Variants in BCL2L13 observed in about 807,000 individuals in gnomAD.
The protein encoded by BCL2L13 is bcl-2-like protein 13.
BCL2L13 carries 13 observed loss-of-function variants against 25.8 expected under a neutral mutation model. The observed-to-expected ratio is 0.50, with a 90% CI of 0.33 to 0.80. The LOEUF is 0.80. BCL2L13 is among the 30% of genes least tolerant of loss of function. The pLI, the probability that BCL2L13 is intolerant of heterozygous loss-of-function variation, is 0.02. For missense variants in BCL2L13, 504 were observed against 574.9 expected (o/e 0.88, Z 1.26); for synonymous variants, 244 against 230.3 (o/e 1.06, Z -0.54).
intron 1 of BCL2L13, among the ~76,000 whole-genome samples, chr22:17,654,880 C>A (rs1429782529): frequency 6.6e-6 from 1 of 151,952 alleles, no homozygotes; most frequent in African/African-American, 2.4e-5. Flanking sequence ...CCCTACCACG[C>A]CCAGCTAATG....
intron 3 of BCL2L13, among the ~76,000 whole-genome samples, chr22:17,688,770 T>G (rs1349118552): frequency 6.7e-6 from 1 of 148,178 alleles, no homozygotes; most frequent in Non-Finnish European, 1.5e-5. Flanking sequence ...ATATTGTTGT[T>G]TTTTTTTTTT....
chr22:17,727,599 C>G lies in BCL2L13; in HGVS notation c.*65C>G. On this transcript the variant is annotated 3_prime_UTR_variant, in exon 7 of 7. Transcript: ENST00000317582. ...GGAGTTGTATTGGCTGGAATTTGAA[C>G]CTCCAGCAGCTGTCTGGACATTTGT... 1 of 1,577,328 alleles carries G rather than the reference C, an allele frequency of 6.3e-7. No individual in the cohort carries two copies. The highest frequency in any genetic ancestry group is 1.7e-5 in the Admixed American group (1 of 57,922).
chr22:17,724,392 C>T (rs2061238367), intron 6 of BCL2L13, among the ~76,000 whole-genome samples: 1 of 152,204 alleles, frequency 6.6e-6, no homozygotes. Flanking sequence ...ACAGTTGGAG[C>T]TGGGATACAA....
intron 3 of BCL2L13, among the ~76,000 whole-genome samples, chr22:17,687,655 T>TA (rs1190511788): frequency 1.3e-5 from 2 of 152,112 alleles, no homozygotes. Context: ...TAGCTGGGAT[T>TA]ACAGGCGCCC....
chr22:17,667,958 T>G (rs2059285555), intron 2 of BCL2L13, among the ~76,000 whole-genome samples: 1 of 134,326 alleles, frequency 7.4e-6, no homozygotes, highest in South Asian at 2.4e-4. Flanking sequence ...TGAATTCCAG[T>G]TTGTCTTTTT....
rs371851967 is a variant in BCL2L13, at chr22:17,667,849, A to G, written c.121+12017A>G. Among the ~76,000 whole-genome samples the G allele has an allele frequency of 1.3e-4, 20 of 152,184 alleles. No individual in the cohort carries two copies. In the East Asian group the frequency reaches 2.3e-3, roughly 18 times the overall value. ...ATGTTTTGGTCACCAGATTCTTATCAGATACATGATTGCTAGATATTTTCA... is the reference window on the plus strand; with the variant it reads ...ATGTTTTGGTCACCAGATTCTTATCGGATACATGATTGCTAGATATTTTCA... On this transcript the variant is annotated intron_variant, in intron 2 of 6. Transcript: ENST00000317582.
intron 2 of BCL2L13, among the ~76,000 whole-genome samples, chr22:17,677,575 AAAG>A (rs2059609817): frequency 6.6e-6 from 1 of 152,146 alleles, no homozygotes; most frequent in African/African-American, 2.4e-5. Context: ...CTACCAAAAA[AAAG>A]AAAAACCCCA....
At chr22:17,639,324 T>C (rs1307279694) in intron 1 of BCL2L13, among the ~76,000 whole-genome samples, 1 of 152,258 alleles carries the variant, frequency 6.6e-6, no homozygotes, top group African/African-American at 2.4e-5. Flanking sequence ...CTTAGTCGTT[T>C]CTTCTCAGAG....
At chr22:17,666,678 CTTTTTTTTTTT>C (rs35623813) in intron 2 of BCL2L13, among the ~76,000 whole-genome samples, 1 of 121,400 alleles carries the variant, frequency 8.2e-6, no homozygotes, top group Non-Finnish European at 1.6e-5. Context: ...GGACCTCATT[CTTTTTTTTTTT>C]TTTTTTTTTT....
At chr22:17,651,599 C>G (rs932493364) in intron 1 of BCL2L13, among the ~76,000 whole-genome samples, 3 of 151,014 alleles carry the variant, frequency 2.0e-5, no homozygotes, top group African/African-American at 7.3e-5. Flanking sequence ...CCAGGCTGGT[C>G]TCGAACTCCT....
chr22:17,698,049 A>G (rs939177056), intron 5 of BCL2L13, among the ~76,000 whole-genome samples: 1 of 149,746 alleles, frequency 6.7e-6, no homozygotes, highest in East Asian at 2.0e-4. Context: ...CCCTGACCTC[A>G]TGATCCGCTG....
rs1387852136 is a variant in BCL2L13, at chr22:17,730,256, A to G, written c.*2722A>G. The G allele has an allele frequency of 6.6e-6, 1 of 152,114 alleles. No homozygotes were observed. Among genetic ancestry groups the G allele is most frequent in the Non-Finnish European group, 1.5e-5 (1 of 68,020 alleles). 9.4% of individuals were successfully genotyped at this position (152,114 alleles called of 1,614,324 possible). Reference sequence around the variant, plus strand: ...GGTGTGCCTTAAGGGGACTCTCATGATCATCATTCCCTTCTAGAGAACATT... The same window carrying G: ...GGTGTGCCTTAAGGGGACTCTCATGGTCATCATTCCCTTCTAGAGAACATT... On this transcript the variant is annotated 3_prime_UTR_variant, in exon 7 of 7. Transcript: ENST00000317582.
At chr22:17,652,248 GGCTTGTCTCAAACTCCTAA>G (rs773028385) in intron 1 of BCL2L13, among the ~76,000 whole-genome samples, 8 of 151,774 alleles carry the variant, frequency 5.3e-5, no homozygotes, top group African/African-American at 9.7e-5. Flanking sequence ...ATGTTGCCCA[GGCTTGTCTCAAACTCCTAA>G]GCTCAAGTGA....
In BCL2L13 at chr22:17,708,664, C is replaced by A. The variant is rs147903872; in HGVS notation, c.600+6278C>A. ...AAAACAAAAAAGACGCAGTTCTCTG[C>A]TTCTTTGTGCATATTTAAACTCATG... On this transcript the variant is annotated intron_variant, in intron 6 of 6. Coordinates refer to ENST00000317582, the MANE Select transcript of BCL2L13 (RefSeq NM_015367.4). Among the ~76,000 whole-genome samples, 28 of 152,266 alleles carry A rather than the reference C, an allele frequency of 1.8e-4. No homozygotes were observed. In the East Asian group the frequency reaches 4.8e-3, roughly 26 times the overall value.
intron 2 of BCL2L13, among the ~76,000 whole-genome samples, chr22:17,668,654 A>T (rs982279308): frequency 2.0e-5 from 3 of 151,682 alleles, no homozygotes; most frequent in Non-Finnish European, 4.4e-5. Context: ...TTTAGTAGAG[A>T]TGGGGTTTCA....
intron 6 of BCL2L13, among the ~76,000 whole-genome samples, chr22:17,709,672 C>T (rs1258430263): frequency 6.6e-6 from 1 of 152,176 alleles, no homozygotes; most frequent in African/African-American, 2.4e-5. Context: ...GTAATCCCAA[C>T]TACTCAGGTG....
At chr22:17,691,358 TTG>T (rs56003903) in intron 4 of BCL2L13, among the ~76,000 whole-genome samples, 103,540 of 151,814 alleles carry the variant, frequency 0.68, 35,714 homozygotes, top group East Asian at 0.85. Flanking sequence ...AATAATCTTT[TTG>T]TCCTGGCTGG....
At chr22:17,646,288 C>T (rs1437822457) in intron 1 of BCL2L13, among the ~76,000 whole-genome samples, 1 of 151,476 alleles carries the variant, frequency 6.6e-6, no homozygotes, top group African/African-American at 2.5e-5. Context: ...CTCTTGTTGC[C>T]CAGGCTGGAG....
chr22:17,658,045 C>T (rs983117201), intron 2 of BCL2L13, among the ~76,000 whole-genome samples: 2 of 151,520 alleles, frequency 1.3e-5, no homozygotes, highest in South Asian at 2.1e-4. Context: ...TGGTCTCGAT[C>T]TCCTGACCTC....
Sources: gnomAD v4.1 joint callset for allele counts (sites outside exome capture counted in the v4.1 genomes callset) on GRCh38, gnomAD v4.1.1 for gene constraint, MANE v1.5 for transcripts, NCBI Gene and HGNC (gene_info 2026-07-23, HGNC 2026-07-21) for gene names.